The following AGMO variants were observed in gnomAD, a reference collection of about 807,000 sequenced individuals.
The protein encoded by AGMO is alkylglycerol monooxygenase.
Under a neutral mutation model 60.2 loss-of-function variants are expected in AGMO, and 75 were observed. The ratio of observed to expected loss-of-function variants is 1.25; its 90% CI spans 1.03 to 1.51. The LOEUF (loss-of-function observed/expected upper bound fraction) is 1.51, where lower values mean the gene tolerates loss of function less well. Among genes scored for constraint, AGMO ranks in the 40% most tolerant of loss-of-function variants. AGMO has a pLI of 0.00. For synonymous variants in AGMO, 261 were observed against 177.1 expected (o/e 1.47, Z -3.76); for missense variants, 763 against 525.5 (o/e 1.45, Z -4.42).
chr7:15,232,191 C>T (rs945751088), intron 12 of AGMO, among the ~76,000 whole-genome samples: 1 of 152,140 alleles, frequency 6.6e-6, no homozygotes, highest in African/African-American at 2.4e-5. Context: ...TCTACATTAT[C>T]CATTTGCTCA....
intron 3 of AGMO, among the ~76,000 whole-genome samples, chr7:15,450,574 C>A (rs1781831849): frequency 6.6e-6 from 1 of 152,100 alleles, no homozygotes; most frequent in African/African-American, 2.4e-5. Context: ...CCAAGACTAT[C>A]TTTGTAGTTC....
intron 12 of AGMO, among the ~76,000 whole-genome samples, chr7:15,356,976 T>G (rs1782556526): frequency 7.0e-6 from 1 of 142,054 alleles, no homozygotes; most frequent in Non-Finnish European, 1.5e-5. Flanking sequence ...AAAAAAAAAT[T>G]AGCCAGGTGT....
chr7:15,274,615 C>G (rs1413028633), intron 12 of AGMO, among the ~76,000 whole-genome samples: 1 of 150,328 alleles, frequency 6.7e-6, no homozygotes, highest in Non-Finnish European at 1.5e-5. Flanking sequence ...AGAATCTCTC[C>G]TTTATTTTTT....
At chr7:15,462,140 A>ATAAATAAAAATTAT (rs1329568490) in intron 3 of AGMO, among the ~76,000 whole-genome samples, 2 of 152,126 alleles carry the variant, frequency 1.3e-5, no homozygotes, top group Non-Finnish European at 2.9e-5. Context: ...CTACATAAAC[A>ATAAATAAAAATTAT]TAGAATTCTA....
At chr7:15,431,200 G>A in intron 3 of AGMO, 92 bp from the exon 4 acceptor site, 1 of 799,306 alleles carries the variant, frequency 1.3e-6, no homozygotes, top group Non-Finnish European at 2.1e-6. Context: ...GAGTGAGGAA[G>A]AAAAATCTGG....
chr7:15,351,762 A>C (rs1315256886), intron 12 of AGMO, among the ~76,000 whole-genome samples: 1 of 152,188 alleles, frequency 6.6e-6, no homozygotes, highest in Non-Finnish European at 1.5e-5. Context: ...AATTCTTTTT[A>C]AAAATAACAA....
intron 2 of AGMO, among the ~76,000 whole-genome samples, chr7:15,557,240 G>T (rs1047861765): frequency 2.0e-5 from 3 of 152,060 alleles, no homozygotes; most frequent in East Asian, 1.9e-4. Context: ...CACTTCTTTT[G>T]TCAGAGGCCA....
At chr7:15,359,086 G>C (rs1177727580) in intron 12 of AGMO, among the ~76,000 whole-genome samples, 1 of 151,982 alleles carries the variant, frequency 6.6e-6, no homozygotes, top group Non-Finnish European at 1.5e-5. Flanking sequence ...TCAGGAGATT[G>C]AGACCATCCT....
intron 12 of AGMO, among the ~76,000 whole-genome samples, chr7:15,275,899 C>T (rs184845314): frequency 5.3e-5 from 8 of 151,864 alleles, no homozygotes; most frequent in Non-Finnish European, 1.0e-4. Flanking sequence ...TGTTTTTTTC[C>T]ACCACTTTCA....
intron 12 of AGMO, among the ~76,000 whole-genome samples, chr7:15,225,832 T>C (rs1484709466): frequency 6.6e-6 from 1 of 152,034 alleles, no homozygotes; most frequent in East Asian, 1.9e-4. Flanking sequence ...AAGAGTTGAT[T>C]AATCTGATAG....
intron 12 of AGMO, among the ~76,000 whole-genome samples, chr7:15,217,371 GTC>G (rs201751915): frequency 2.7e-5 from 4 of 148,698 alleles, no homozygotes; most frequent in African/African-American, 2.5e-5. Context: ...CTCTGTGTGT[GTC>G]TCTCTCTCTC....
chr7:15,257,600 G>A (rs1783134501), intron 12 of AGMO, among the ~76,000 whole-genome samples: 1 of 152,114 alleles, frequency 6.6e-6, no homozygotes, highest in African/African-American at 2.4e-5. Flanking sequence ...AATTGCCTTG[G>A]GGCAAATAAA....
intron 12 of AGMO, among the ~76,000 whole-genome samples, chr7:15,308,061 C>G (rs1351752426): frequency 6.6e-6 from 1 of 152,060 alleles, no homozygotes; most frequent in African/African-American, 2.4e-5. Context: ...CTCACTACAC[C>G]CCTTCAGTTT....
intron 3 of AGMO, among the ~76,000 whole-genome samples, chr7:15,503,548 C>G (rs1349237244): frequency 6.6e-6 from 1 of 151,878 alleles, no homozygotes; most frequent in Non-Finnish European, 1.5e-5. Flanking sequence ...AAAGTTAAAT[C>G]TGTCAAGAAG....
intron 3 of AGMO, among the ~76,000 whole-genome samples, chr7:15,524,884 A>G (rs1338613539): frequency 6.6e-6 from 1 of 151,858 alleles, no homozygotes; most frequent in Admixed American, 6.6e-5. Context: ...AAAGAAAGAA[A>G]TATGTCTTTG....
intron 6 of AGMO, among the ~76,000 whole-genome samples, chr7:15,393,901 A>G (rs565628818): frequency 5.7e-4 from 87 of 152,052 alleles, no homozygotes; most frequent in African/African-American, 2.0e-3. Context: ...AGTCAGATAG[A>G]TAAATCCCCC....
the AGMO span, among the ~76,000 whole-genome samples, chr7:15,192,053 T>C: frequency 6.6e-6 from 1 of 151,902 alleles, no homozygotes; most frequent in Non-Finnish European, 1.5e-5. Flanking sequence ...GGCAAATTTA[T>C]ACAATAGTAT....
intron 3 of AGMO, among the ~76,000 whole-genome samples, chr7:15,481,925 G>A (rs1034804980): frequency 6.6e-6 from 1 of 151,284 alleles, no homozygotes; most frequent in Non-Finnish European, 1.5e-5. Flanking sequence ...ACTCCCAAGT[G>A]TTTAGAAATT....
At chr7:15,211,840 T>C (rs1437644076) in intron 12 of AGMO, among the ~76,000 whole-genome samples, 6 of 152,002 alleles carry the variant, frequency 3.9e-5, no homozygotes, top group Non-Finnish European at 8.8e-5. Flanking sequence ...CAAAAAACAA[T>C]TTTTTAGTTA....
Sources: gnomAD v4.1 joint callset for allele counts (sites outside exome capture counted in the v4.1 genomes callset) on GRCh38, gnomAD v4.1.1 for gene constraint, MANE v1.5 for transcripts, NCBI Gene and HGNC (gene_info 2026-07-23, HGNC 2026-07-21) for gene names.